Variants in CCNI2 observed in about 807,000 individuals in gnomAD.
The protein encoded by CCNI2 is cyclin-I2.
A neutral mutation model predicts 33.2 loss-of-function variants in CCNI2; 32 were observed. That is an observed-to-expected ratio of 0.96 (90% CI 0.73 to 1.30). The LOEUF (loss-of-function observed/expected upper bound fraction) is 1.30, where lower values mean the gene tolerates loss of function less well. Ranked by LOEUF, CCNI2 falls within the 50% of genes most tolerant of loss-of-function variation. CCNI2 has a pLI of 0.00. For missense variants in CCNI2, 452 were observed against 486.2 expected (o/e 0.93, Z 0.66); for synonymous variants, 231 against 219.9 (o/e 1.05, Z -0.45).
chr5:132,752,576 G>A (rs1754942416), intron 5 of CCNI2, among the ~76,000 whole-genome samples: 1 of 152,144 alleles, frequency 6.6e-6, no homozygotes, highest in African/African-American at 2.4e-5. Flanking sequence ...ATGAGTGTGT[G>A]GTACCAGGTA....
chr5:132,755,928 A>G, downstream of CCNI2: 1 of 969,968 alleles, frequency 1.0e-6, no homozygotes, highest in Non-Finnish European at 1.2e-6. Flanking sequence ...GTATTTTACC[A>G]CAGTTGTAGC....
chr5:132,748,494 GA>G lies in CCNI2; in HGVS notation c.558+20del. ...AGTGAAGGTAGGGAGGCCTCTGAGGGACGGTGGCAGATGGTGAGAGAAGAAA... is the reference window on the plus strand; with the variant it reads ...AGTGAAGGTAGGGAGGCCTCTGAGGGCGGTGGCAGATGGTGAGAGAAGAAA... On this transcript the variant is annotated intron_variant, in intron 2 of 5. Coordinates refer to ENST00000378731, the MANE Select transcript of CCNI2 (RefSeq NM_001039780.4). 1.2e-6 allele frequency: 2 copies of G among 1,613,490 alleles called. No individual in the cohort carries two copies. Among genetic ancestry groups the G allele is most frequent in the Non-Finnish European group, 1.7e-6 (2 of 1,179,700 alleles).
Position 132,747,743 on chromosome 5 carries a change from C to A in CCNI2, c.248C>A (p.Ala83Glu). The stretch of plus-strand genomic sequence containing the variant: ...CCCGTGCGGCCCCGGCGCGGTACGG[C>A]GCCAGCCGGGAAAACCGCAGACGCG... Reference protein sequence around the residue: ...AVPVRPRRGTAPAGKTADAVP... With the variant: ...AVPVRPRRGTEPAGKTADAVP... Residue 83 changes from alanine to glutamate, a missense_variant, in exon 1 of 6, where the codon GCG becomes GAG. Ala to Glu is a moderately radical substitution (Grantham distance 107). Coordinates refer to ENST00000378731, the MANE Select transcript of CCNI2 (RefSeq NM_001039780.4). This position sits in a 1 kb window ranked among gnomAD's most constrained non-coding sequence, Gnocchi z 4.1. 2.7e-6 allele frequency: 4 copies of A among 1,470,838 alleles called. No individual in the cohort carries two copies. Among genetic ancestry groups the A allele is most frequent in the Non-Finnish European group, 2.7e-6 (3 of 1,119,438 alleles). The allele number at this position is 1,470,838 out of a possible 1,614,324, so 91.1% of individuals were successfully genotyped here. A position where few individuals can be genotyped will look rare whatever the true frequency, so the allele number is the denominator to read the frequency against.
chr5:132,751,202 A>G, intron 4 of CCNI2: 1 of 488,568 alleles, frequency 2.0e-6, no homozygotes, highest in South Asian at 4.4e-5. Flanking sequence ...CCACTTCTAA[A>G]GGACATTAAA....
chr5:132,752,600 A>T (rs1754945533), intron 5 of CCNI2, among the ~76,000 whole-genome samples: 1 of 152,160 alleles, frequency 6.6e-6, no homozygotes, highest in Non-Finnish European at 1.5e-5. Context: ...GGGTACCATG[A>T]GGCAAGCATT....
In CCNI2 at chr5:132,750,960, A is replaced by T; in HGVS notation, c.737A>T (p.Asp246Val). 1 of 1,614,242 alleles carries T rather than the reference A, an allele frequency of 6.2e-7. No homozygotes were observed. The highest frequency in any genetic ancestry group is 8.5e-7 in the Non-Finnish European group (1 of 1,180,038). ...GCTATTCTGGACAGACTGCACTGGG[A>T]CCTCTATATTGGGACGCCGCTGGAC... Reference protein sequence around the residue: ...ELAILDRLHWDLYIGTPLDFL... With the variant: ...ELAILDRLHWVLYIGTPLDFL... The change falls in exon 4 of 6, where the codon GAC becomes GTC. Residue 246 changes from aspartate to valine, a missense_variant. Transcript: ENST00000378731.
chr5:132,748,582 T>G, intron 2 of CCNI2, 107 bp downstream of exon 2: 1 of 1,384,048 alleles, frequency 7.2e-7, no homozygotes, highest in Non-Finnish European at 9.9e-7. Flanking sequence ...AAAACCAAGG[T>G]GTATAAACTA....
chr5:132,750,929 G>C lies in CCNI2; in HGVS notation c.706G>C (p.Glu236Gln). 8 of 1,614,250 alleles carry C rather than the reference G, an allele frequency of 5.0e-6. No homozygotes were observed. Among genetic ancestry groups the C allele is most frequent in the Non-Finnish European group, 6.8e-6 (8 of 1,180,042 alleles). Residue 236 changes from glutamate (E) to glutamine (Q), a missense_variant, in exon 4 of 6, where the codon GAG becomes CAG. Transcript: ENST00000378731. ...TTCCCCGAATGAGCTGCTGAGGATG[G>C]AGCTGGCTATTCTGGACAGACTGCA... ...DYSPNELLRM[E>Q]LAILDRLHWD...
In CCNI2 at chr5:132,748,483, G is replaced by A; in HGVS notation, c.558+8G>A. ...CTCCTGATTTCAGTGAAGGTAGGGA[G>A]GCCTCTGAGGGACGGTGGCAGATGG... On this transcript the variant is annotated splice_region_variant and intron_variant, in intron 2 of 5. Coordinates refer to ENST00000378731, the MANE Select transcript of CCNI2 (RefSeq NM_001039780.4). 1.2e-6 allele frequency: 2 copies of A among 1,613,912 alleles called. No individual in the cohort carries two copies. The highest frequency in any genetic ancestry group is 1.3e-5 in the African/African-American group (1 of 75,036).
intron 4 of CCNI2, chr5:132,751,272 A>G (rs764058350): frequency 2.8e-6 from 1 of 356,240 alleles, no homozygotes; most frequent in East Asian, 5.0e-5. Context: ...TTAAATACAC[A>G]CTGCAAAAAT....
intron 3 of CCNI2, 69 bp from the exon 4 acceptor site, chr5:132,750,788 C>T: frequency 6.5e-7 from 1 of 1,534,132 alleles, no homozygotes; most frequent in Non-Finnish European, 8.8e-7. Context: ...GCCCAGTCCC[C>T]ATGGGTAAGA....
downstream of CCNI2, among the ~76,000 whole-genome samples, chr5:132,754,841 C>T (rs1302358631): frequency 6.6e-6 from 1 of 152,056 alleles, no homozygotes; most frequent in Non-Finnish European, 1.5e-5. Context: ...TATTGAAAGG[C>T]AGGGATTGGT....
chr5:132,751,206 C>T, intron 4 of CCNI2: 1 of 475,544 alleles, frequency 2.1e-6, no homozygotes, highest in East Asian at 3.4e-5. Flanking sequence ...TTCTAAAGGA[C>T]ATTAAATTAA....
chr5:132,750,314 G>GTCCC (rs1419724926), intron 3 of CCNI2, among the ~76,000 whole-genome samples: 4 of 152,146 alleles, frequency 2.6e-5, no homozygotes, highest in Non-Finnish European at 5.9e-5. Context: ...AGCCTCATTA[G>GTCCC]TCCCTCTGTG....
Position 132,754,377 on chromosome 5 carries a change from A to G in CCNI2, c.*1407A>G, listed in dbSNP as rs1316830447. ...TTCCTTCCAGTGTAAGTGGGACCAC[A>G]GTGCATGAGGCAGAAGGACATCCTG... is the stretch of plus-strand genomic sequence containing the variant. On this transcript the variant is annotated 3_prime_UTR_variant, in exon 6 of 6. Transcript: ENST00000378731. 1 of 717,210 alleles carries G rather than the reference A, an allele frequency of 1.4e-6. No homozygotes were observed. The highest frequency in any genetic ancestry group is 1.5e-5 in the South Asian group (1 of 67,570). 44.4% of individuals were successfully genotyped at this position (717,210 alleles called of 1,614,324 possible).
In CCNI2 at chr5:132,753,591, G is replaced by A. The variant is rs1755049463; in HGVS notation, c.*621G>A. On this transcript the variant is annotated 3_prime_UTR_variant, in exon 6 of 6. Transcript: ENST00000378731. The stretch of plus-strand genomic sequence containing the variant: ...GTATGCTTTGTTTAATGTAACTTGA[G>A]CAAGCTTTAGGCATATCTTTCCTTT... The A allele has an allele frequency of 6.5e-6, 1 of 152,680 alleles. No individual in the cohort carries two copies. Among genetic ancestry groups the A allele is most frequent in the Admixed American group, 6.5e-5 (1 of 15,348 alleles). 9.5% of individuals were successfully genotyped at this position (152,680 alleles called of 1,614,324 possible). A position where few individuals can be genotyped will look rare whatever the true frequency, so the allele number is the denominator to read the frequency against.
At chr5:132,749,668 A>G (rs1190922256) in intron 3 of CCNI2, among the ~76,000 whole-genome samples, 1 of 152,188 alleles carries the variant, frequency 6.6e-6, no homozygotes, top group African/African-American at 2.4e-5. Flanking sequence ...CTCTTGACAG[A>G]TACATCTGGC....
At position 132,753,121 on chromosome 5, in the gene CCNI2, G is replaced by T; in HGVS notation, c.*151G>T. 1.5e-6 allele frequency: 1 copy of T among 645,648 alleles called. No individual in the cohort carries two copies. Among genetic ancestry groups the T allele is most frequent in the South Asian group, 1.9e-5 (1 of 51,974 alleles). 40.0% of individuals were successfully genotyped at this position (645,648 alleles called of 1,614,324 possible). A position where few individuals can be genotyped will look rare whatever the true frequency, so the allele number is the denominator to read the frequency against. The stretch of plus-strand genomic sequence containing the variant: ...GAAAAAGTTCCCAACTGAGCCCTTG[G>T]AAAAAAAATAAAGGGGAGAGGGGAA... On this transcript the variant is annotated 3_prime_UTR_variant, in exon 6 of 6. Coordinates refer to ENST00000378731, the MANE Select transcript of CCNI2 (RefSeq NM_001039780.4).
chr5:132,748,152 C>A (rs959918818), intron 1 of CCNI2, among the ~76,000 whole-genome samples, 195 bp from the exon 2 acceptor site: 1 of 152,226 alleles, frequency 6.6e-6, no homozygotes, highest in Non-Finnish European at 1.5e-5. Context: ...CAGCCTACGA[C>A]GAAAAGTGGG....
Sources: allele counts gnomAD v4.1 joint callset (sites outside exome capture counted in the v4.1 genomes callset), GRCh38; gene constraint gnomAD v4.1.1; non-coding constraint Gnocchi (gnomAD v3.1); transcripts MANE v1.5; gene names NCBI Gene and HGNC (gene_info 2026-07-23, HGNC 2026-07-21).